AP3S2: variants seen among roughly 807,000 people sequenced by gnomAD.
The protein encoded by AP3S2 is adaptor related protein complex 3 subunit sigma 2.
In AP3S2, 22 loss-of-function variants were observed where a neutral mutation model predicts 23.4. The observed-to-expected ratio is 0.94, with a 90% confidence interval of 0.67 to 1.34. The LOEUF is 1.34. AP3S2 is among the 40% of genes most tolerant of loss of function. The probability of loss-of-function intolerance (pLI) is 0.00; values close to 1 mark genes in which losing one functional copy is unlikely to be tolerated. For synonymous variants in AP3S2, 86 were observed against 87.1 expected, an observed-to-expected ratio of 0.99 and a Z score of 0.07; for missense variants, 241 against 236.9, an observed-to-expected ratio of 1.02 and a Z score of -0.11.
chr15:89,868,506 G>A (rs1464777786), intron 4 of AP3S2, among the ~76,000 whole-genome samples: 3,821 of 45,732 alleles, frequency 0.084, no homozygotes, highest in Admixed American at 0.12. Context: ...CGCCCGGTCC[G>A]GGAGGGAGGT....
intron 1 of AP3S2, among the ~76,000 whole-genome samples, chr15:89,891,017 A>G (rs1896808884): frequency 6.6e-6 from 1 of 152,248 alleles, no homozygotes. Context: ...CTATATATGC[A>G]AAATACAAAA....
At chr15:89,836,486 T>C (rs1213820769) in intron 5 of AP3S2, among the ~76,000 whole-genome samples, 1 of 152,198 alleles carries the variant, frequency 6.6e-6, no homozygotes, top group East Asian at 1.9e-4. Flanking sequence ...GAGCTGGCTT[T>C]GGAAGTGTCA....
At chr15:89,853,810 G>A (rs937997251) in intron 4 of AP3S2, among the ~76,000 whole-genome samples, 1 of 100,516 alleles carries the variant, frequency 9.9e-6, no homozygotes, top group Non-Finnish European at 2.1e-5. Flanking sequence ...GACCCCGTCT[G>A]GGAGGTGAGG....
intron 4 of AP3S2, among the ~76,000 whole-genome samples, chr15:89,862,226 TG>T (rs1456073043): frequency 1.3e-5 from 2 of 152,164 alleles, no homozygotes; most frequent in Non-Finnish European, 2.9e-5. Flanking sequence ...CTAAAGACAA[TG>T]TTTGACTCAT....
At chr15:89,851,230 G>C (rs1895645157) in intron 4 of AP3S2, among the ~76,000 whole-genome samples, 1 of 152,172 alleles carries the variant, frequency 6.6e-6, no homozygotes, top group South Asian at 2.1e-4. Flanking sequence ...TTATTTCAGA[G>C]AAGGGTGGCC....
At chr15:89,891,792 A>C (rs1287948757) in intron 1 of AP3S2, among the ~76,000 whole-genome samples, 1 of 152,214 alleles carries the variant, frequency 6.6e-6, no homozygotes, top group Non-Finnish European at 1.5e-5. Context: ...GGAAATGTAA[A>C]ATGGTGCAGC....
At position 89,838,726 on chromosome 15, in the gene AP3S2, G is replaced by C. The variant is rs1342420704; in HGVS notation, c.346-1004C>G. Among the ~76,000 whole-genome samples the C allele has an allele frequency of 7.9e-5, 12 of 152,296 alleles. No individual in the cohort carries two copies. In the East Asian group the frequency reaches 2.1e-3, roughly 27 times the overall value. ...GTCCTGGGGAAGTCAGAGAAGAAAGGGTACAGTGGCTAGAGAGATCAGAGA... is the reference window on the plus strand; with the variant it reads ...GTCCTGGGGAAGTCAGAGAAGAAAGCGTACAGTGGCTAGAGAGATCAGAGA... On this transcript the variant is annotated intron_variant, in intron 4 of 5. Transcript: ENST00000336418.
intron 4 of AP3S2, among the ~76,000 whole-genome samples, chr15:89,856,595 G>A (rs1046647035): frequency 9.3e-5 from 14 of 150,502 alleles, no homozygotes; most frequent in Admixed American, 2.6e-4. Flanking sequence ...CCAGCTACTC[G>A]GAAGGCTGAG....
intron 4 of AP3S2, among the ~76,000 whole-genome samples, chr15:89,843,978 G>T (rs545251060): frequency 6.6e-6 from 1 of 152,092 alleles, no homozygotes; most frequent in Non-Finnish European, 1.5e-5. Flanking sequence ...AAACTAGGAA[G>T]AGAAGAGGGG....
intron 4 of AP3S2, among the ~76,000 whole-genome samples, chr15:89,870,192 T>C (rs1357406887): frequency 6.6e-6 from 1 of 152,226 alleles, no homozygotes; most frequent in Non-Finnish European, 1.5e-5. Context: ...ATGGCTCTCC[T>C]TGACAGAAGT....
Position 89,872,596 on chromosome 15 carries a change from G to A in AP3S2, c.274-1050C>T, listed in dbSNP as rs1036824143. ...TTGTCAGCAGTGTCATGAATTGTTC[G>A]GCACTGCATGAAAATGGGTCTTACT... On this transcript the variant is annotated intron_variant, in intron 3 of 5. Transcript: ENST00000336418. Among the ~76,000 whole-genome samples the A allele has an allele frequency of 6.6e-5, 10 of 152,172 alleles. No individual in the cohort carries two copies. The South Asian group carries it at 8.3e-4, about 13-fold the overall frequency.
rs1426104626 is a variant in AP3S2, at chr15:89,832,927, A to G, written c.*2588T>C. 3 of 152,220 alleles carry G rather than the reference A, an allele frequency of 2.0e-5. No homozygotes were observed. Among genetic ancestry groups the G allele is most frequent in the African/African-American group, 7.2e-5 (3 of 41,438 alleles). The allele number at this position is 152,220 out of a possible 1,614,324, so 9.4% of individuals were successfully genotyped here. ...CAAAGGGATTGAGTTTTCCAAATAA[A>G]AAAGTGGGCTTCAGTTTTATGTCAT... On this transcript the variant is annotated 3_prime_UTR_variant, in exon 6 of 6. Transcript: ENST00000336418.
intron 4 of AP3S2, among the ~76,000 whole-genome samples, chr15:89,858,826 T>C (rs1170929525): frequency 1.3e-5 from 2 of 152,164 alleles, no homozygotes; most frequent in Admixed American, 1.3e-4. Flanking sequence ...AAAGGTCAAA[T>C]TGTGCTGTTT....
intron 4 of AP3S2, among the ~76,000 whole-genome samples, chr15:89,866,238 G>A (rs1362026127): frequency 1.2e-4 from 16 of 132,164 alleles, no homozygotes; most frequent in Admixed American, 1.8e-4. Context: ...CTCCAGCCTG[G>A]GCAACAGAGC....
rs1165702355 is a variant in AP3S2 at position 89,893,982 on chromosome 15, A to G, written c.-33T>C. On this transcript the variant is annotated 5_prime_UTR_variant, in exon 1 of 6. Coordinates refer to ENST00000336418, the MANE Select transcript of AP3S2 (RefSeq NM_005829.5). ...AGCCACGGTTCTCTCAGCACCGGCT[A>G]CTCCCAGAAAGCTCCTCCTTCCGCC... The G allele has an allele frequency of 3.2e-6, 5 of 1,546,678 alleles. No individual in the cohort carries two copies. The highest frequency in any genetic ancestry group is 3.5e-6 in the Non-Finnish European group (4 of 1,144,288).
chr15:89,864,946 C>T (rs1280583058), intron 4 of AP3S2, among the ~76,000 whole-genome samples: 1 of 151,992 alleles, frequency 6.6e-6, no homozygotes, highest in Non-Finnish European at 1.5e-5. Flanking sequence ...AGGCAATAAA[C>T]AAGAAAAGAT....
intron 1 of AP3S2, among the ~76,000 whole-genome samples, chr15:89,891,329 T>C (rs1405644187): frequency 6.6e-6 from 1 of 152,160 alleles, no homozygotes; most frequent in East Asian, 1.9e-4. Context: ...CATGAAAAGA[T>C]GCTCAACATC....
chr15:89,848,412 G>A (rs899136048), intron 4 of AP3S2, among the ~76,000 whole-genome samples: 1 of 152,230 alleles, frequency 6.6e-6, no homozygotes, highest in African/African-American at 2.4e-5. Flanking sequence ...CCAGGCTGGA[G>A]TGCAGTGGCG....
rs1161978146 is a variant in AP3S2 at position 89,853,872 on chromosome 15, G to A, written c.346-16150C>T. Reference sequence around the variant, plus strand: ...GAGAAGTGAGGAGACCCTCTGCCTGGCAACCACCCCGTCTGAGAAGTGAGG... The same window carrying A: ...GAGAAGTGAGGAGACCCTCTGCCTGACAACCACCCCGTCTGAGAAGTGAGG... On this transcript the variant is annotated intron_variant, in intron 4 of 5. Transcript: ENST00000336418. Among the ~76,000 whole-genome samples, 7 of 59,180 alleles carry A rather than the reference G, an allele frequency of 1.2e-4. No homozygotes were observed. In the East Asian group the frequency reaches 3.5e-3, roughly 29 times the overall value. 38.8% of individuals were successfully genotyped at this position (59,180 alleles called of 152,430 possible). A position where few individuals can be genotyped will look rare whatever the true frequency, so the allele number is the denominator to read the frequency against.
Sources: gnomAD v4.1 joint callset for allele counts (sites outside exome capture counted in the v4.1 genomes callset) on GRCh38, gnomAD v4.1.1 for gene constraint, MANE v1.5 for transcripts, NCBI Gene and HGNC (gene_info 2026-07-23, HGNC 2026-07-21) for gene names.